The following MAP4K5 variants were observed in gnomAD, a reference collection of about 807,000 sequenced individuals.
The protein encoded by MAP4K5 is MAPK/ERK kinase kinase kinase 5.
Under a neutral mutation model 135.6 loss-of-function variants are expected in MAP4K5, and 82 were observed. That is an observed-to-expected ratio of 0.60 (90% CI 0.51 to 0.73). The LOEUF (loss-of-function observed/expected upper bound fraction) is 0.73. Ranked by LOEUF, MAP4K5 falls within the 30% of genes least tolerant of loss-of-function variation. MAP4K5 has a pLI of 0.00. For missense variants in MAP4K5, 907 were observed against 1,010.9 expected (o/e 0.90, Z 1.39); for synonymous variants, 347 against 335.0 (o/e 1.04, Z -0.39).
chr14:50,533,082 A>C (rs906383887), upstream of MAP4K5: 2 of 152,300 alleles, frequency 1.3e-5, no homozygotes, highest in African/African-American at 2.4e-5. Context: ...CGGTGGTACC[A>C]GTTTGAGGCT....
chr14:50,536,436 CAAAAAAA>C (rs34686813), upstream of MAP4K5, among the ~76,000 whole-genome samples: 2 of 107,228 alleles, frequency 1.9e-5, no homozygotes, highest in Non-Finnish European at 2.0e-5. Context: ...AACTCTGTCT[CAAAAAAA>C]AAAAAAAAAA....
At chr14:50,529,922 C>G (rs2038350214) in intron 2 of MAP4K5, among the ~76,000 whole-genome samples, 1 of 152,160 alleles carries the variant, frequency 6.6e-6, no homozygotes, top group African/African-American at 2.4e-5. Flanking sequence ...GAAGGGCTGT[C>G]TTGCCCAGGA....
At chr14:50,507,476 T>C (rs955738398) in intron 2 of MAP4K5, among the ~76,000 whole-genome samples, 7 of 152,226 alleles carry the variant, frequency 4.6e-5, no homozygotes, top group Non-Finnish European at 1.0e-4. Context: ...CTTTCTTTTG[T>C]GGGCATTTAG....
intron 2 of MAP4K5, 81 bp downstream of exon 2, chr14:50,531,861 G>A (rs987048561): frequency 2.2e-5 from 22 of 1,009,914 alleles, no homozygotes; most frequent in African/African-American, 3.2e-5. Flanking sequence ...TCCTCCTCTC[G>A]CCCCAATACT....
chr14:50,475,284 A>C, intron 8 of MAP4K5, 135 bp from the exon 9 acceptor site: 2 of 657,478 alleles, frequency 3.0e-6, no homozygotes, highest in South Asian at 3.8e-5. Context: ...TGAATACCTA[A>C]ATCTCTTCTT....
chr14:50,535,195 A>C (rs959477947), upstream of MAP4K5, among the ~76,000 whole-genome samples: 1 of 152,232 alleles, frequency 6.6e-6, no homozygotes, highest in African/African-American at 2.4e-5. Flanking sequence ...CTTCTTTGAA[A>C]GTTCTTCAGT....
chr14:50,442,579 C>T (rs1413511078), intron 21 of MAP4K5, among the ~76,000 whole-genome samples, 153 bp downstream of exon 21: 2 of 152,014 alleles, frequency 1.3e-5, no homozygotes, highest in Non-Finnish European at 2.9e-5. Context: ...TAAACCAAAA[C>T]CCTATTGACC....
chr14:50,483,850 ATTT>A (rs1241682325), intron 5 of MAP4K5, among the ~76,000 whole-genome samples: 14 of 150,010 alleles, frequency 9.3e-5, no homozygotes, highest in African/African-American at 3.4e-4. Context: ...TTATTTATTT[ATTT>A]ATTTATTTAT....
intron 32 of MAP4K5, among the ~76,000 whole-genome samples, chr14:50,421,097 CATAG>C (rs2035720175): frequency 6.6e-6 from 1 of 151,838 alleles, no homozygotes; most frequent in African/African-American, 2.4e-5. Flanking sequence ...TTTTAAAAAT[CATAG>C]ATACTTTATA....
At chr14:50,443,116 T>A (rs2036263917) in intron 20 of MAP4K5, among the ~76,000 whole-genome samples, 1 of 152,186 alleles carries the variant, frequency 6.6e-6, no homozygotes, top group African/African-American at 2.4e-5. Flanking sequence ...GGACTGACAA[T>A]TATTAATGTG....
At chr14:50,513,356 G>T (rs1488106972) in intron 2 of MAP4K5, among the ~76,000 whole-genome samples, 1 of 152,046 alleles carries the variant, frequency 6.6e-6, no homozygotes, top group Non-Finnish European at 1.5e-5. Flanking sequence ...AAAATTGAAA[G>T]ATGTTAATTA....
chr14:50,548,480 G>A (rs959560549), intron 1 of MAP4K5, among the ~76,000 whole-genome samples: 2 of 152,146 alleles, frequency 1.3e-5, no homozygotes, highest in African/African-American at 4.8e-5. Flanking sequence ...AGCAGCCAAT[G>A]GGAATGGTAA....
intron 28 of MAP4K5, among the ~76,000 whole-genome samples, 162 bp downstream of exon 28, chr14:50,434,232 G>C (rs1290777799): frequency 6.6e-6 from 1 of 152,134 alleles, no homozygotes; most frequent in African/African-American, 2.4e-5. Context: ...GGCAAATAGA[G>C]ATCATAAATA....
At chr14:50,520,588 C>T (rs1375876231) in intron 2 of MAP4K5, among the ~76,000 whole-genome samples, 1 of 152,166 alleles carries the variant, frequency 6.6e-6, no homozygotes, top group Non-Finnish European at 1.5e-5. Flanking sequence ...CTAGCTAATG[C>T]TACTTAAGGC....
chr14:50,460,320 C>A (rs1040268364), intron 13 of MAP4K5, among the ~76,000 whole-genome samples: 3 of 142,900 alleles, frequency 2.1e-5, no homozygotes, highest in Non-Finnish European at 4.4e-5. Context: ...TACCATTGTG[C>A]CCCCCCAACT....
At chr14:50,560,460 A>G in intron 1 of MAP4K5, 1 of 975,346 alleles carries the variant, frequency 1.0e-6, no homozygotes, top group East Asian at 2.7e-5. Flanking sequence ...CGGAGGAACC[A>G]TGGCCGAGCG....
At chr14:50,506,628 G>A (rs879664149) in intron 2 of MAP4K5, among the ~76,000 whole-genome samples, 5 of 152,138 alleles carry the variant, frequency 3.3e-5, no homozygotes, top group Non-Finnish European at 5.9e-5. Context: ...GAAGTGCTGG[G>A]ATTACAGTGA....
chr14:50,425,892 T>C lies in MAP4K5; in HGVS notation c.2397+15A>G. ...TGTTAGTGGGAGTCAGTGGAGGTAA[T>C]CTGAGAAGGCTTACCTCATCTGACT... is the stretch of plus-strand genomic sequence containing the variant. On this transcript the variant is annotated intron_variant, in intron 31 of 32. Coordinates refer to ENST00000682126, the MANE Select transcript of MAP4K5 (RefSeq NM_006575.6). The C allele has an allele frequency of 6.3e-7, 1 of 1,590,210 alleles. No homozygotes were observed. The highest frequency in any genetic ancestry group is 8.6e-7 in the Non-Finnish European group (1 of 1,161,100).
intron 21 of MAP4K5, 84 bp from the exon 22 acceptor site, chr14:50,440,525 C>T (rs2036203731): frequency 6.0e-6 from 4 of 668,294 alleles, no homozygotes; most frequent in Non-Finnish European, 1.0e-5. Context: ...ATTGTAATGG[C>T]ATCAAGAATT....
Sources: allele counts gnomAD v4.1 joint callset (sites outside exome capture counted in the v4.1 genomes callset), GRCh38; gene constraint gnomAD v4.1.1; transcripts MANE v1.5; gene names NCBI Gene and HGNC (gene_info 2026-07-23, HGNC 2026-07-21).